The following ZNF41 variants were observed in gnomAD, a reference collection of about 807,000 sequenced individuals.
ZNF41 encodes zinc finger protein 41.
Under a neutral mutation model 9.3 loss-of-function variants are expected in ZNF41, and 6 were observed. That is an observed-to-expected ratio of 0.65 (90% CI 0.35 to 1.28). ZNF41 has a LOEUF of 1.28. ZNF41 is among the 50% of genes most tolerant of loss of function. ZNF41 has a pLI of 0.03. For missense variants in ZNF41, 523 were observed against 585.8 expected (o/e 0.89, Z 1.11); for synonymous variants, 192 against 207.1 (o/e 0.93, Z 0.63).
chrX:47,462,932 CACAT>C (rs1238568668), intron 2 of ZNF41, among the ~76,000 whole-genome samples: 59 of 82,945 alleles, frequency 7.1e-4, no homozygotes, highest in African/African-American at 2.1e-3. Context: ...ATATATCACA[CACAT>C]ATATATATAT....
Position 47,448,892 on chromosome X carries a change from T to C in ZNF41, c.878A>G (p.His293Arg). ...KSHLFEHQRI[H>R]AGEKSRECDK... ...ACATTCACGGGACTTTTCTCCAGCA[T>C]GAATTCTCTGATGCTCAAACAGATG... is the stretch of plus-strand genomic sequence containing the variant. Residue 293 changes from histidine to arginine, a missense_variant, in exon 5 of 5, where the codon CAT becomes CGT. By Grantham distance (29) the His-to-Arg change is conservative (BLOSUM62 0). Coordinates refer to ENST00000684689, the MANE Select transcript of ZNF41 (RefSeq NM_001324144.2). The C allele has an allele frequency of 8.3e-7, 1 of 1,211,800 alleles. No individual in the cohort carries two copies. Among genetic ancestry groups the C allele is most frequent in the Non-Finnish European group, 1.1e-6 (1 of 895,581 alleles).
chrX:47,449,509 A>G (rs1208509251), intron 4 of ZNF41, 35 bp from the exon 5 acceptor site: 2 of 1,184,878 alleles, frequency 1.7e-6, no homozygotes, highest in South Asian at 3.7e-5. Context: ...AAACGACACA[A>G]AGAACAATCA....
intron 1 of ZNF41, among the ~76,000 whole-genome samples, chrX:47,475,728 A>G (rs2057317190): frequency 9.0e-6 from 1 of 111,173 alleles, no homozygotes; most frequent in Non-Finnish European, 1.9e-5. Context: ...TACCCTATAT[A>G]CACCTCTGCC....
chrX:47,459,759 A>G (rs2056713154), intron 2 of ZNF41, among the ~76,000 whole-genome samples: 1 of 105,480 alleles, frequency 9.5e-6, no homozygotes, highest in Non-Finnish European at 1.9e-5. Context: ...AAAAAAAAAA[A>G]AAAAAAAAGA....
rs778047105 is a variant in ZNF41, at chrX:47,445,600, G to A, written c.*1830C>T. On this transcript the variant is annotated 3_prime_UTR_variant, in exon 5 of 5. Transcript: ENST00000684689. ...CATTGGTACAACCACTTGAAAACTG[G>A]TTTTATAACATATAGCTGAACATAT... Among the ~76,000 whole-genome samples the A allele has an allele frequency of 6.2e-5, 7 of 112,057 alleles. No individual in the cohort carries two copies. Among genetic ancestry groups the A allele is most frequent in the South Asian group, 3.7e-4 (1 of 2,732 alleles).
rs1332789198 is a variant in ZNF41 at position 47,449,002 on chromosome X, T to C, written c.768A>G (p.Gln256=). Residue 256 remains glutamine (Q), a synonymous_variant, in exon 5 of 5, where the codon CAA becomes CAG. Coordinates refer to ENST00000684689, the MANE Select transcript of ZNF41 (RefSeq NM_001324144.2). ...GAATTTTCTGATGGTGGGTGGGAGC[T>C]TGTTTGTGGCTGAGATGTTTTTCAT... ...DHYEKHLSHK[Q]APTHHQKIHP... 1 of 1,211,643 alleles carries C rather than the reference T, an allele frequency of 8.3e-7. No individual in the cohort carries two copies. The highest frequency in any genetic ancestry group is 2.2e-5 in the Admixed American group (1 of 45,983).
intron 4 of ZNF41, among the ~76,000 whole-genome samples, chrX:47,455,396 C>T (rs1483781768): frequency 9.1e-6 from 1 of 109,371 alleles, no homozygotes; most frequent in Non-Finnish European, 1.9e-5. Flanking sequence ...TCCAGCCTGG[C>T]CAACATGGTG....
chrX:47,473,440 G>A (rs941648655), intron 1 of ZNF41, among the ~76,000 whole-genome samples: 1 of 111,699 alleles, frequency 9.0e-6, no homozygotes, highest in Non-Finnish European at 1.9e-5. Context: ...AACAAAAAAG[G>A]GGAATATCTT....
rs2056121098 is a variant in ZNF41 at position 47,446,548 on chromosome X, G to A, written c.*882C>T. 9.1e-6 allele frequency: 1 copy of A among 109,889 alleles called. No homozygotes were observed. The highest frequency in any genetic ancestry group is 1.0e-4 in the Admixed American group (1 of 10,008). The allele number at this position is 109,889 out of a possible 1,213,427, so 9.1% of individuals were successfully genotyped here. A position where few individuals can be genotyped will look rare whatever the true frequency, so the allele number is the denominator to read the frequency against. On this transcript the variant is annotated 3_prime_UTR_variant, in exon 5 of 5. Transcript: ENST00000684689. ...CGTGGATCAGTTCCATTGTCGTAGG[G>A]TCAGTTACTGAGGGAATCAGGAATC...
At chrX:47,453,309 G>A (rs190274529) in intron 4 of ZNF41, among the ~76,000 whole-genome samples, 70 of 111,615 alleles carry the variant, frequency 6.3e-4, no homozygotes, top group Admixed American at 1.3e-3. Flanking sequence ...AAAATCCTGT[G>A]ATTTTCTCAG....
At chrX:47,469,083 G>A (rs943162713) in intron 1 of ZNF41, among the ~76,000 whole-genome samples, 13 of 108,248 alleles carry the variant, frequency 1.2e-4, no homozygotes, top group African/African-American at 3.7e-4. Flanking sequence ...AGGCCGAGGC[G>A]GGCGGATCAC....
intron 2 of ZNF41, among the ~76,000 whole-genome samples, chrX:47,460,161 G>A (rs2056734562): frequency 9.0e-6 from 1 of 111,717 alleles, no homozygotes; most frequent in South Asian, 3.7e-4. Context: ...AGATACTCAG[G>A]AGGCTAGGCT....
intron 4 of ZNF41, among the ~76,000 whole-genome samples, chrX:47,454,707 T>C (rs980736622): frequency 5.4e-5 from 6 of 111,112 alleles, no homozygotes; most frequent in Non-Finnish European, 1.1e-4. Context: ...AAATACTATG[T>C]AGCAATTTGA....
At chrX:47,478,360 A>G (rs1450297121) in intron 1 of ZNF41, among the ~76,000 whole-genome samples, 2 of 111,139 alleles carry the variant, frequency 1.8e-5, no homozygotes, top group African/African-American at 3.3e-5. Flanking sequence ...ACAAAAAATT[A>G]GCCAGGTGTG....
intron 2 of ZNF41, among the ~76,000 whole-genome samples, chrX:47,460,906 T>C (rs760711826): frequency 1.8e-5 from 2 of 111,267 alleles, no homozygotes; most frequent in Admixed American, 1.9e-4. Flanking sequence ...GAAATATATA[T>C]GCCCACGTGG....
chrX:47,449,618 T>C, intron 4 of ZNF41, 144 bp from the exon 5 acceptor site: 5 of 648,983 alleles, frequency 7.7e-6, no homozygotes, highest in Non-Finnish European at 1.2e-5. Context: ...CAACACAACA[T>C]TCTTATAGAA....
intron 2 of ZNF41, among the ~76,000 whole-genome samples, chrX:47,458,453 T>C (rs891560246): frequency 1.8e-5 from 2 of 111,394 alleles, no homozygotes; most frequent in African/African-American, 3.3e-5. Flanking sequence ...GCATTAAGCA[T>C]TGAAATAAAG....
At chrX:47,473,520 A>T (rs1395274968) in intron 1 of ZNF41, among the ~76,000 whole-genome samples, 1 of 112,074 alleles carries the variant, frequency 8.9e-6, no homozygotes, top group Non-Finnish European at 1.9e-5. Flanking sequence ...ACGCATACAA[A>T]TAAAACCAGC....
At chrX:47,472,889 A>AT (rs1354098561) in intron 1 of ZNF41, among the ~76,000 whole-genome samples, 3 of 109,045 alleles carry the variant, frequency 2.8e-5, no homozygotes, top group Non-Finnish European at 5.7e-5. Context: ...CGCCTGGCTA[A>AT]TTTTTACATT....
Sources: gnomAD v4.1 joint callset for allele counts (sites outside exome capture counted in the v4.1 genomes callset) on GRCh38, gnomAD v4.1.1 for gene constraint, MANE v1.5 for transcripts, NCBI Gene and HGNC (gene_info 2026-07-23, HGNC 2026-07-21) for gene names.